EBF1: variants seen among roughly 807,000 people sequenced by gnomAD.
The protein encoded by EBF1 is transcription factor COE1.
EBF1 carries 10 observed loss-of-function variants against 68.4 expected under a neutral mutation model. That is an observed-to-expected ratio of 0.15 (90% CI 0.09 to 0.25). The LOEUF (loss-of-function observed/expected upper bound fraction) is 0.25, where lower values mean the gene tolerates loss of function less well. EBF1 is among the 10% of genes least tolerant of loss of function. EBF1 has a pLI of 1.00. For synonymous variants in EBF1, 298 were observed against 299.8 expected (o/e 0.99, Z 0.06); for missense variants, 509 against 794.4 (o/e 0.64, Z 4.32).
At chr5:159,087,369 C>CACACATATATAT (rs1243776995) in intron 4 of EBF1, among the ~76,000 whole-genome samples, 9 of 138,556 alleles carry the variant, frequency 6.5e-5, no homozygotes, top group Non-Finnish European at 1.1e-4. Flanking sequence ...TATATATATA[C>CACACATATATAT]ACACATATAT....
intron 6 of EBF1, among the ~76,000 whole-genome samples, chr5:159,052,034 T>C (rs1387119406): frequency 2.0e-5 from 3 of 152,120 alleles, no homozygotes; most frequent in African/African-American, 4.8e-5. Context: ...TATTATGGGC[T>C]CTTCTGGAAG....
rs78379467 is a variant in EBF1, at chr5:158,791,773, C to G, written c.909+4572G>C. 5.4e-3 allele frequency among the ~76,000 whole-genome samples: 829 copies of G among 152,234 alleles called. 13 individuals carry two copies. Among genetic ancestry groups the G allele is most frequent in the African/African-American group, 0.019 (802 of 41,544 alleles). ...TCCAGAACTTAGCGTGAATTGTAAA[C>G]TACCAATTTAATACTAGATTATATA... On this transcript the variant is annotated intron_variant, in intron 9 of 15. Coordinates refer to ENST00000313708, the MANE Select transcript of EBF1 (RefSeq NM_024007.5).
At chr5:158,699,395 C>T (rs1300617285) in intron 15 of EBF1, among the ~76,000 whole-genome samples, 1 of 152,174 alleles carries the variant, frequency 6.6e-6, no homozygotes, top group Admixed American at 6.5e-5. Context: ...CTCTCCAAAT[C>T]TGATTTCAAT....
At chr5:159,098,275 C>G (rs143185751) in intron 1 of EBF1, among the ~76,000 whole-genome samples, 1 of 152,324 alleles carries the variant, frequency 6.6e-6, no homozygotes, top group East Asian at 1.9e-4. Context: ...AGGAAAGTTC[C>G]CTCAGGTCAA....
chr5:158,699,132 GCCAGATATCGCTAT>G lies in EBF1; in HGVS notation c.1745-4_1754del. ...TCTTTCACATAGGAGGAACAATCAT[GCCAGATATCGCTAT>G]GAAAGAAAAGACAGAAGTCAATGGT... On this transcript the variant is annotated splice_acceptor_variant and splice_polypyrimidine_tract_variant and coding_sequence_variant and intron_variant, in exon 16 of 16. Transcript: ENST00000313708. LOFTEE classifies it high-confidence loss of function. 6.2e-7 allele frequency: 1 copy of G among 1,607,768 alleles called. No homozygotes were observed. Among genetic ancestry groups the G allele is most frequent in the East Asian group, 2.2e-5 (1 of 44,724 alleles).
chr5:159,025,166 A>C (rs555197085), intron 6 of EBF1, among the ~76,000 whole-genome samples: 8 of 152,368 alleles, frequency 5.3e-5, no homozygotes, highest in Admixed American at 4.6e-4. Flanking sequence ...TCCAGGGTAG[A>C]GGTCAAAGGG....
At chr5:158,935,593 T>C (rs939370109) in intron 6 of EBF1, among the ~76,000 whole-genome samples, 4 of 152,178 alleles carry the variant, frequency 2.6e-5, no homozygotes, top group African/African-American at 4.8e-5. Context: ...AAAAAAGGCA[T>C]TTATCAAAAG....
chr5:158,741,072 A>G (rs925058682), intron 10 of EBF1, among the ~76,000 whole-genome samples: 2 of 152,268 alleles, frequency 1.3e-5, no homozygotes, highest in African/African-American at 4.8e-5. Context: ...CAAAAAATAT[A>G]TAACATTTTA....
At chr5:158,869,455 C>A (rs894612758) in intron 6 of EBF1, among the ~76,000 whole-genome samples, 1 of 152,106 alleles carries the variant, frequency 6.6e-6, no homozygotes, top group Non-Finnish European at 1.5e-5. Flanking sequence ...CGCCCCCGAC[C>A]TTTTAACATC....
At chr5:158,809,585 T>C (rs1419832097) in intron 8 of EBF1, among the ~76,000 whole-genome samples, 1 of 152,184 alleles carries the variant, frequency 6.6e-6, no homozygotes, top group East Asian at 1.9e-4. Flanking sequence ...GACCCACATA[T>C]GAATTACAGT....
chr5:158,939,373 G>C (rs1812752826), intron 6 of EBF1, among the ~76,000 whole-genome samples: 2 of 152,320 alleles, frequency 1.3e-5, no homozygotes, highest in Non-Finnish European at 2.9e-5. Context: ...AGTACTTCCA[G>C]CTGCCTTAGA....
At chr5:158,899,423 A>G (rs1802833947) in intron 6 of EBF1, among the ~76,000 whole-genome samples, 3 of 152,228 alleles carry the variant, frequency 2.0e-5, no homozygotes, top group Admixed American at 2.0e-4. Context: ...AGGAAGCAGT[A>G]ATCTCATCTG....
At chr5:158,777,221 T>G (rs1387910620) in intron 10 of EBF1, among the ~76,000 whole-genome samples, 192 bp downstream of exon 10, 1 of 152,168 alleles carries the variant, frequency 6.6e-6, no homozygotes, top group African/African-American at 2.4e-5. Flanking sequence ...CCATTCAACA[T>G]GGACACCTAG....
intron 10 of EBF1, among the ~76,000 whole-genome samples, chr5:158,743,697 C>G (rs907652781): frequency 6.6e-6 from 1 of 151,920 alleles, no homozygotes; most frequent in African/African-American, 2.4e-5. Flanking sequence ...TAAGGCAATA[C>G]GAAGAATGGG....
chr5:159,072,556 C>T (rs969456905), intron 6 of EBF1, among the ~76,000 whole-genome samples: 1 of 152,174 alleles, frequency 6.6e-6, no homozygotes, highest in Non-Finnish European at 1.5e-5. Context: ...GTACAAGATG[C>T]TAGCTCTTTT....
intron 6 of EBF1, among the ~76,000 whole-genome samples, chr5:158,850,642 T>G (rs897213020): frequency 6.6e-6 from 1 of 152,220 alleles, no homozygotes; most frequent in Non-Finnish European, 1.5e-5. Context: ...ATAAGTGAAA[T>G]GATGGAGCTA....
chr5:158,787,702 G>A (rs371537247), intron 9 of EBF1, among the ~76,000 whole-genome samples: 1 of 152,130 alleles, frequency 6.6e-6, no homozygotes, highest in African/African-American at 2.4e-5. Context: ...TGGGGAAAGG[G>A]GGAGAGAGTA....
rs80027231 is a variant in EBF1 at position 158,934,769 on chromosome 5, G to T, written c.555-94659C>A. Among the ~76,000 whole-genome samples, 9 of 152,308 alleles carry T rather than the reference G, an allele frequency of 5.9e-5. No individual in the cohort carries two copies. In the East Asian group the frequency reaches 1.7e-3, roughly 29 times the overall value. ...TCAAAGGAGACAACATATGTAAAAC[G>T]TTTAGCACAGTGCCTGGCACATAGT... On this transcript the variant is annotated intron_variant, in intron 6 of 15. Transcript: ENST00000313708.
chr5:158,976,436 C>T (rs1253420325), intron 6 of EBF1, among the ~76,000 whole-genome samples: 2 of 150,910 alleles, frequency 1.3e-5, no homozygotes, highest in African/African-American at 4.9e-5. Flanking sequence ...ACTTCCCCAC[C>T]CCCACCCCCA....
Sources: gnomAD v4.1 joint callset for allele counts (sites outside exome capture counted in the v4.1 genomes callset) on GRCh38, gnomAD v4.1.1 for gene constraint, MANE v1.5 for transcripts, NCBI Gene and HGNC (gene_info 2026-07-23, HGNC 2026-07-21) for gene names.